The following ZNF804A variants were observed in gnomAD, a reference collection of about 807,000 sequenced individuals.
The protein encoded by ZNF804A is zinc finger protein 804A.
ZNF804A carries 2 observed loss-of-function variants against 16.5 expected under a neutral mutation model. The ratio of observed to expected loss-of-function variants is 0.12; its 90% CI spans 0.05 to 0.38. The LOEUF is 0.38. Among genes scored for constraint, ZNF804A ranks in the 10% least tolerant of loss-of-function variants. The pLI, the probability that ZNF804A is intolerant of heterozygous loss-of-function variation, is 0.99. For synonymous variants in ZNF804A, 534 were observed against 489.6 expected (o/e 1.09, Z -1.20); for missense variants, 1,473 against 1,390.7 (o/e 1.06, Z -0.94).
At chr2:184,917,464 T>C (rs1685467195) in intron 2 of ZNF804A, among the ~76,000 whole-genome samples, 1 of 111,134 alleles carries the variant, frequency 9.0e-6, no homozygotes, top group Non-Finnish European at 2.0e-5. Context: ...AAAACAAATA[T>C]GTGTGTGTGT....
intron 1 of ZNF804A, among the ~76,000 whole-genome samples, chr2:184,654,919 C>G (rs192744153): frequency 7.5e-4 from 114 of 152,236 alleles, no homozygotes; most frequent in Non-Finnish European, 1.4e-3. Flanking sequence ...GGTGATGTAC[C>G]TTGCCTATTT....
intron 1 of ZNF804A, among the ~76,000 whole-genome samples, chr2:184,746,705 C>T (rs1307120862): frequency 6.6e-6 from 1 of 151,334 alleles, no homozygotes; most frequent in African/African-American, 2.4e-5. Flanking sequence ...TCCCCCATCA[C>T]CCTTTCCAGA....
intron 1 of ZNF804A, among the ~76,000 whole-genome samples, chr2:184,847,010 C>A (rs972642882): frequency 1.8e-4 from 27 of 152,098 alleles, no homozygotes; most frequent in African/African-American, 6.5e-4. Flanking sequence ...TAAATAATCA[C>A]AGAAGAGAAA....
chr2:184,820,436 T>A (rs1168784240), intron 1 of ZNF804A, among the ~76,000 whole-genome samples: 1 of 152,082 alleles, frequency 6.6e-6, no homozygotes, highest in African/African-American at 2.4e-5. Flanking sequence ...AAGCGCCATA[T>A]ATGACAAACT....
At chr2:184,623,337 C>A (rs970961830) in intron 1 of ZNF804A, among the ~76,000 whole-genome samples, 1 of 151,820 alleles carries the variant, frequency 6.6e-6, no homozygotes, top group Non-Finnish European at 1.5e-5. Context: ...AAGTAAAAAA[C>A]AAACTCTCAA....
chr2:184,686,740 C>T (rs904217116), intron 1 of ZNF804A, among the ~76,000 whole-genome samples: 3 of 152,156 alleles, frequency 2.0e-5, no homozygotes, highest in African/African-American at 7.2e-5. Flanking sequence ...GTCATCCTGA[C>T]GTGTGAAAAG....
chr2:184,844,122 A>G (rs971937608), intron 1 of ZNF804A, among the ~76,000 whole-genome samples: 1 of 152,050 alleles, frequency 6.6e-6, no homozygotes, highest in Non-Finnish European at 1.5e-5. Flanking sequence ...ATACAACACT[A>G]TAATAGTTCA....
At chr2:184,770,163 A>C (rs1694189156) in intron 1 of ZNF804A, among the ~76,000 whole-genome samples, 1 of 152,002 alleles carries the variant, frequency 6.6e-6, no homozygotes. Flanking sequence ...ACTATCCACC[A>C]AACTTTCTTA....
chr2:184,890,637 C>T (rs915945749), intron 2 of ZNF804A, among the ~76,000 whole-genome samples: 3 of 151,870 alleles, frequency 2.0e-5, no homozygotes, highest in Non-Finnish European at 4.4e-5. Context: ...AACTGTAACT[C>T]TCCAAGATAC....
At chr2:184,880,989 T>A (rs544728050) in intron 2 of ZNF804A, among the ~76,000 whole-genome samples, 14 of 152,186 alleles carry the variant, frequency 9.2e-5, no homozygotes, top group African/African-American at 3.4e-4. Context: ...AGGAGATAGT[T>A]GAAACCCAAT....
intron 1 of ZNF804A, among the ~76,000 whole-genome samples, chr2:184,620,816 C>A (rs970279833): frequency 3.3e-5 from 5 of 151,632 alleles, no homozygotes; most frequent in Non-Finnish European, 7.4e-5. Context: ...TGATTGATTT[C>A]ATTAGTTGTA....
chr2:184,690,091 A>AT (rs1285669207), intron 1 of ZNF804A, among the ~76,000 whole-genome samples: 1 of 151,890 alleles, frequency 6.6e-6, no homozygotes, highest in African/African-American at 2.4e-5. Context: ...GAATTCTAAG[A>AT]TTTATAAAGT....
intron 1 of ZNF804A, among the ~76,000 whole-genome samples, chr2:184,854,174 T>A (rs910457060): frequency 1.3e-5 from 2 of 151,912 alleles, no homozygotes; most frequent in African/African-American, 4.8e-5. Context: ...AAATCTGAAA[T>A]GCTCCAAAAT....
chr2:184,791,467 G>C (rs1015405830), intron 1 of ZNF804A, among the ~76,000 whole-genome samples: 2 of 152,116 alleles, frequency 1.3e-5, no homozygotes, highest in African/African-American at 4.8e-5. Context: ...TTTCTTAAAA[G>C]AGGCTAATAA....
intron 2 of ZNF804A, among the ~76,000 whole-genome samples, chr2:184,904,371 T>C (rs906572496): frequency 2.6e-5 from 4 of 152,116 alleles, no homozygotes; most frequent in African/African-American, 9.6e-5. Flanking sequence ...CAAAGCTTTG[T>C]TAGAACTTAG....
chr2:184,927,251 A>G (rs1276396884), intron 2 of ZNF804A, among the ~76,000 whole-genome samples: 1 of 152,228 alleles, frequency 6.6e-6, no homozygotes, highest in Non-Finnish European at 1.5e-5. Flanking sequence ...AGATTCAGAG[A>G]TACCACCTCC....
intron 1 of ZNF804A, among the ~76,000 whole-genome samples, chr2:184,604,059 TTAGA>T (rs1181030611): frequency 1.3e-5 from 2 of 151,708 alleles, no homozygotes; most frequent in Non-Finnish European, 2.9e-5. Context: ...TTGAGTTATG[TTAGA>T]TAGCTGCAAT....
intron 3 of ZNF804A, among the ~76,000 whole-genome samples, chr2:184,935,322 G>T (rs776155309): frequency 3.9e-5 from 6 of 152,120 alleles, no homozygotes; most frequent in Non-Finnish European, 7.4e-5. Context: ...TGGGTGAATT[G>T]AATTGTTCAA....
At chr2:184,933,571 C>T (rs1685738862) in intron 2 of ZNF804A, 32 bp from the exon 3 acceptor site, 2 of 1,563,910 alleles carry the variant, frequency 1.3e-6, no homozygotes, top group Middle Eastern at 1.7e-4. Context: ...GACCAAAATA[C>T]AATTAATCAT....
Sources: allele counts gnomAD v4.1 joint callset (sites outside exome capture counted in the v4.1 genomes callset), GRCh38; gene constraint gnomAD v4.1.1; transcripts MANE v1.5; gene names NCBI Gene and HGNC (gene_info 2026-07-23, HGNC 2026-07-21).